DACH1: variants seen among roughly 807,000 people sequenced by gnomAD.
The protein encoded by DACH1 is dachshund family transcription factor 1.
A neutral mutation model predicts 54.2 loss-of-function variants in DACH1; 12 were observed. The ratio of observed to expected loss-of-function variants is 0.22; its 90% confidence interval spans 0.14 to 0.36. The LOEUF (loss-of-function observed/expected upper bound fraction) is 0.36. DACH1 is among the 10% of genes least tolerant of loss of function. The pLI is 1.00. For missense variants in DACH1, 805 were observed against 929.8 expected (o/e 0.87, Z 1.75); for synonymous variants, 386 against 366.2 (o/e 1.05, Z -0.62).
intron 2 of DACH1, among the ~76,000 whole-genome samples, chr13:71,633,383 T>C (rs1035521407): frequency 2.6e-5 from 4 of 152,214 alleles, no homozygotes; most frequent in African/African-American, 9.6e-5. Flanking sequence ...TTGGCCTCAC[T>C]ATAATTTCTG....
chr13:71,438,024 T>TAAC lies in DACH1; in HGVS notation c.*2628_*2630dup, dbSNP rs1853597706. ...AAAAGGAAAAGAAAATTAAATACAA[T>TAAC]AACAGTAAACGTGGTTCTCACATTG... On this transcript the variant is annotated 3_prime_UTR_variant, in exon 11 of 11. Transcript: ENST00000613252. 1.3e-5 allele frequency: 2 copies of TAAC among 152,364 alleles called. No individual in the cohort carries two copies. The highest frequency in any genetic ancestry group is 4.8e-5 in the African/African-American group (2 of 41,422). The allele number at this position is 152,364 out of a possible 1,614,324, so 9.4% of individuals were successfully genotyped here. A position where few individuals can be genotyped will look rare whatever the true frequency, so the allele number is the denominator to read the frequency against.
chr13:71,443,411 T>C (rs961191379), intron 10 of DACH1, among the ~76,000 whole-genome samples: 5 of 151,952 alleles, frequency 3.3e-5, no homozygotes, highest in African/African-American at 1.2e-4. Context: ...CTGGGCAACA[T>C]GGTGAGACCC....
intron 3 of DACH1, among the ~76,000 whole-genome samples, chr13:71,623,298 C>A (rs192514108): frequency 3.3e-5 from 5 of 151,522 alleles, no homozygotes; most frequent in Admixed American, 2.6e-4. Flanking sequence ...TGAAAAAGAG[C>A]TTCATAAAAT....
chr13:71,468,826 C>G (rs534513668), intron 10 of DACH1, among the ~76,000 whole-genome samples: 1 of 152,160 alleles, frequency 6.6e-6, no homozygotes, highest in South Asian at 2.1e-4. Context: ...ATTTTCTTTG[C>G]TTAGAGTGGG....
intron 1 of DACH1, among the ~76,000 whole-genome samples, chr13:71,812,619 A>C (rs1594250932): frequency 7.0e-6 from 1 of 142,118 alleles, no homozygotes; most frequent in Non-Finnish European, 1.5e-5. Context: ...ACAGTTCCCT[A>C]AAGTCTATTT....
At chr13:71,858,209 A>G (rs1874126538) in intron 1 of DACH1, among the ~76,000 whole-genome samples, 1 of 151,666 alleles carries the variant, frequency 6.6e-6, no homozygotes, top group African/African-American at 2.4e-5. Context: ...CTTAAGATAT[A>G]TTTTGTTTGC....
At chr13:71,520,642 C>T (rs1199013312) in intron 6 of DACH1, among the ~76,000 whole-genome samples, 1 of 151,148 alleles carries the variant, frequency 6.6e-6, no homozygotes, top group East Asian at 1.9e-4. Flanking sequence ...CTATGTTATA[C>T]AATTATAGAC....
intron 3 of DACH1, among the ~76,000 whole-genome samples, chr13:71,596,241 C>G (rs1247860206): frequency 6.6e-6 from 1 of 152,028 alleles, no homozygotes; most frequent in African/African-American, 2.4e-5. Context: ...TTACTATTCC[C>G]TTGTTTTCAG....
intron 1 of DACH1, among the ~76,000 whole-genome samples, chr13:71,685,755 T>C (rs1260478146): frequency 1.3e-5 from 2 of 152,154 alleles, no homozygotes; most frequent in Non-Finnish European, 2.9e-5. Flanking sequence ...ACATGAGTAA[T>C]ACTCTGGCCA....
intron 1 of DACH1, among the ~76,000 whole-genome samples, chr13:71,826,586 G>A (rs941000183): frequency 6.6e-6 from 1 of 151,988 alleles, no homozygotes; most frequent in Non-Finnish European, 1.5e-5. Context: ...TACCTCTGCT[G>A]CCATAAGGGC....
At chr13:71,726,570 A>T (rs990633242) in intron 1 of DACH1, among the ~76,000 whole-genome samples, 2 of 152,068 alleles carry the variant, frequency 1.3e-5, no homozygotes, top group African/African-American at 4.8e-5. Flanking sequence ...ATTTAAATTC[A>T]AGGTACTAAA....
At chr13:71,700,580 A>C (rs1444565470) in intron 1 of DACH1, among the ~76,000 whole-genome samples, 2 of 91,266 alleles carry the variant, frequency 2.2e-5, no homozygotes, top group African/African-American at 7.4e-5. Flanking sequence ...AAAAAAAAAA[A>C]AAAAAGAGAG....
At chr13:71,530,523 T>C (rs1281571308) in intron 6 of DACH1, among the ~76,000 whole-genome samples, 5 of 152,110 alleles carry the variant, frequency 3.3e-5, no homozygotes, top group Admixed American at 6.5e-5. Flanking sequence ...GGAAAAAGGG[T>C]TGGCCGAGAA....
chr13:71,654,246 C>T (rs566554432), intron 2 of DACH1, among the ~76,000 whole-genome samples: 5 of 151,298 alleles, frequency 3.3e-5, no homozygotes, highest in East Asian at 2.0e-4. Flanking sequence ...AAAAATAAGC[C>T]GGGTGTGGCG....
intron 10 of DACH1, among the ~76,000 whole-genome samples, chr13:71,465,326 G>T (rs948340980): frequency 1.5e-4 from 23 of 151,778 alleles, no homozygotes; most frequent in African/African-American, 5.3e-4. Flanking sequence ...TTCTTTTTCT[G>T]TTACTTAAAT....
At chr13:71,559,173 C>G (rs1169880682) in intron 5 of DACH1, among the ~76,000 whole-genome samples, 1 of 152,020 alleles carries the variant, frequency 6.6e-6, no homozygotes. Flanking sequence ...TTGGCCATAA[C>G]TACCAAGATT....
chr13:71,516,282 A>AAT (rs1489898804), intron 6 of DACH1, among the ~76,000 whole-genome samples: 48 of 152,052 alleles, frequency 3.2e-4, no homozygotes, highest in African/African-American at 1.1e-3. Flanking sequence ...CACTTGCTCA[A>AAT]ATAGTACAAT....
At chr13:71,731,284 G>GATCTTC (rs1308099231) in intron 1 of DACH1, among the ~76,000 whole-genome samples, 11 of 147,716 alleles carry the variant, frequency 7.4e-5, no homozygotes, top group Non-Finnish European at 1.6e-4. Context: ...TTGGTTTCTT[G>GATCTTC]ATCTTCTTTT....
At chr13:71,591,658 G>A (rs1299643516) in intron 3 of DACH1, among the ~76,000 whole-genome samples, 4 of 152,022 alleles carry the variant, frequency 2.6e-5, no homozygotes, top group African/African-American at 9.7e-5. Context: ...TAATATATTA[G>A]TATTATTATG....
Sources: allele counts gnomAD v4.1 joint callset (sites outside exome capture counted in the v4.1 genomes callset), GRCh38; gene constraint gnomAD v4.1.1; transcripts MANE v1.5; gene names NCBI Gene and HGNC (gene_info 2026-07-23, HGNC 2026-07-21).